The following CCDC60 variants were observed in gnomAD, a reference collection of about 807,000 sequenced individuals.
CCDC60 encodes coiled-coil domain-containing protein 60.
A neutral mutation model predicts 63.5 loss-of-function variants in CCDC60; 54 were observed. That is an observed-to-expected ratio of 0.85 (90% confidence interval 0.68 to 1.07). CCDC60 has a LOEUF of 1.07. Among genes scored for constraint, CCDC60 ranks in the 50% least tolerant of loss-of-function variants. CCDC60 has a pLI of 0.00. For missense variants in CCDC60, 651 were observed against 684.3 expected, an observed-to-expected ratio of 0.95 and a Z score of 0.54; for synonymous variants, 206 against 238.8, an observed-to-expected ratio of 0.86 and a Z score of 1.27.
chr12:119,504,978 C>T, intron 6 of CCDC60, 91 bp from the exon 7 acceptor site: 3 of 921,618 alleles, frequency 3.3e-6, no homozygotes, highest in Non-Finnish European at 4.9e-6. Flanking sequence ...GTCTGCTGTC[C>T]CTCCCCACCT....
chr12:119,387,222 C>T (rs924553886), intron 1 of CCDC60, among the ~76,000 whole-genome samples: 1 of 152,144 alleles, frequency 6.6e-6, no homozygotes, highest in Non-Finnish European at 1.5e-5. Context: ...AATTGTGCCA[C>T]ACACATGAAA....
chr12:119,352,369 G>C (rs1458254634), intron 1 of CCDC60, among the ~76,000 whole-genome samples: 1 of 152,160 alleles, frequency 6.6e-6, no homozygotes, highest in Non-Finnish European at 1.5e-5. Context: ...ATTTACTAAG[G>C]GTTCACTGTG....
intron 1 of CCDC60, among the ~76,000 whole-genome samples, chr12:119,340,717 C>A (rs1592975088): frequency 6.6e-6 from 1 of 152,134 alleles, no homozygotes; most frequent in Non-Finnish European, 1.5e-5. Flanking sequence ...AAACATAAAA[C>A]GATTTTCCTC....
intron 2 of CCDC60, among the ~76,000 whole-genome samples, chr12:119,436,316 C>G (rs1421928762): frequency 6.6e-6 from 1 of 151,976 alleles, no homozygotes; most frequent in African/African-American, 2.4e-5. Context: ...AAGTGGAAAG[C>G]ACATCATTTA....
chr12:119,532,972 A>G (rs903466920), intron 13 of CCDC60, among the ~76,000 whole-genome samples: 4 of 152,208 alleles, frequency 2.6e-5, no homozygotes, highest in African/African-American at 9.7e-5. Context: ...TTCTGGCTCT[A>G]GATCCTTGAG....
At chr12:119,512,754 G>A (rs915061022) in intron 7 of CCDC60, among the ~76,000 whole-genome samples, 6 of 152,204 alleles carry the variant, frequency 3.9e-5, no homozygotes, top group Admixed American at 3.9e-4. Flanking sequence ...CAGCCATCTA[G>A]CATATTTGTT....
At chr12:119,485,380 G>A (rs570893849) in intron 4 of CCDC60, among the ~76,000 whole-genome samples, 2 of 152,194 alleles carry the variant, frequency 1.3e-5, no homozygotes, top group South Asian at 4.2e-4. Context: ...AGAGGCGGAC[G>A]GGGCCTCATG....
intron 1 of CCDC60, among the ~76,000 whole-genome samples, chr12:119,394,857 C>T (rs1453024788): frequency 1.3e-5 from 2 of 152,184 alleles, no homozygotes; most frequent in Admixed American, 1.3e-4. Flanking sequence ...AAACAAGTAA[C>T]TTTAGTGCAT....
chr12:119,423,328 T>C (rs951344014), intron 1 of CCDC60, among the ~76,000 whole-genome samples: 7 of 152,208 alleles, frequency 4.6e-5, no homozygotes, highest in Non-Finnish European at 1.0e-4. Flanking sequence ...GAGGACCTGC[T>C]TTATAGTCCC....
intron 11 of CCDC60, 119 bp from the exon 12 acceptor site, chr12:119,528,496 A>G: frequency 2.6e-6 from 3 of 1,145,322 alleles, no homozygotes; most frequent in African/African-American, 1.6e-5. Flanking sequence ...ATTAGCTGAC[A>G]GGGTTAAGAA....
At chr12:119,530,154 A>C (rs1952796611) in intron 12 of CCDC60, among the ~76,000 whole-genome samples, 1 of 152,142 alleles carries the variant, frequency 6.6e-6, no homozygotes, top group Non-Finnish European at 1.5e-5. Context: ...CAATATAATA[A>C]ATATATATCC....
chr12:119,535,570 C>T (rs1479204353), intron 13 of CCDC60, among the ~76,000 whole-genome samples: 2 of 152,206 alleles, frequency 1.3e-5, no homozygotes, highest in East Asian at 1.9e-4. Flanking sequence ...AATTTTCCCT[C>T]TACACACTGC....
chr12:119,452,682 C>T (rs1051943505), intron 2 of CCDC60, among the ~76,000 whole-genome samples: 1 of 152,004 alleles, frequency 6.6e-6, no homozygotes, highest in Non-Finnish European at 1.5e-5. Context: ...GTGGAAATGG[C>T]GATAGTGGTG....
intron 5 of CCDC60, among the ~76,000 whole-genome samples, chr12:119,496,398 G>A (rs540539086): frequency 2.6e-5 from 4 of 152,158 alleles, no homozygotes; most frequent in African/African-American, 4.8e-5. Context: ...AGTGCTCAGC[G>A]CCCTATTCCC....
intron 1 of CCDC60, among the ~76,000 whole-genome samples, chr12:119,351,945 G>C (rs1460557757): frequency 1.3e-5 from 2 of 152,082 alleles, no homozygotes; most frequent in African/African-American, 2.4e-5. Context: ...CTCACTCCCA[G>C]TATCAATTTT....
chr12:119,507,624 T>TTTTC, intron 7 of CCDC60, among the ~76,000 whole-genome samples: 1 of 110,180 alleles, frequency 9.1e-6, no homozygotes, highest in Non-Finnish European at 1.7e-5. Flanking sequence ...ATTTTTTTTT[T>TTTTC]TTTTTTCTAG....
chr12:119,355,534 A>G (rs1955707821), intron 1 of CCDC60, among the ~76,000 whole-genome samples: 1 of 152,246 alleles, frequency 6.6e-6, no homozygotes, highest in Non-Finnish European at 1.5e-5. Context: ...GTACTGACGC[A>G]GGGCAGACGA....
chr12:119,418,286 C>T (rs564426185), intron 1 of CCDC60, among the ~76,000 whole-genome samples: 2 of 151,712 alleles, frequency 1.3e-5, no homozygotes, highest in African/African-American at 4.8e-5. Context: ...CATGTATTAC[C>T]GAAGGACATT....
chr12:119,383,262 A>G lies in CCDC60; in HGVS notation c.91-45421A>G, dbSNP rs537992902. ...TCTCTACAAAAATAAAATTAAAAAT[A>G]TATTATCCAGATCTGCTTTTGCTTC... On this transcript the variant is annotated intron_variant, in intron 1 of 13. Transcript: ENST00000327554. Among the ~76,000 whole-genome samples the G allele has an allele frequency of 2.0e-5, 3 of 152,294 alleles. No individual in the cohort carries two copies. The South Asian group carries it at 6.2e-4, about 32-fold the overall frequency.
Sources: allele counts gnomAD v4.1 joint callset (sites outside exome capture counted in the v4.1 genomes callset), GRCh38; gene constraint gnomAD v4.1.1; transcripts MANE v1.5; gene names NCBI Gene and HGNC (gene_info 2026-07-23, HGNC 2026-07-21).